ZDHHC2: variants seen among roughly 807,000 people sequenced by gnomAD.
The protein encoded by ZDHHC2 is palmitoyltransferase ZDHHC2.
A neutral mutation model predicts 55.6 loss-of-function variants in ZDHHC2; 51 were observed. The ratio of observed to expected loss-of-function variants is 0.92; its 90% CI spans 0.73 to 1.16. The LOEUF is 1.16. ZDHHC2 is among the 50% of genes most tolerant of loss of function. The pLI is 0.00. For synonymous variants in ZDHHC2, 199 were observed against 152.9 expected (o/e 1.30, Z -2.22); for missense variants, 491 against 442.4 (o/e 1.11, Z -0.99).
intron 6 of ZDHHC2, among the ~76,000 whole-genome samples, chr8:17,201,753 C>T (rs925516138): frequency 2.6e-5 from 4 of 151,560 alleles, no homozygotes; most frequent in Non-Finnish European, 5.9e-5. Flanking sequence ...GCCTCAGCCT[C>T]CCAAAGTGGT....
At chr8:17,188,489 T>C (rs1805843695) in intron 3 of ZDHHC2, among the ~76,000 whole-genome samples, 3 of 152,186 alleles carry the variant, frequency 2.0e-5, no homozygotes, top group African/African-American at 4.8e-5. Flanking sequence ...TTCTTACCCC[T>C]TTCTCATGGA....
At chr8:17,219,482 C>T (rs1283227265) in intron 12 of ZDHHC2, among the ~76,000 whole-genome samples, 2 of 151,936 alleles carry the variant, frequency 1.3e-5, no homozygotes, top group Non-Finnish European at 2.9e-5. Context: ...GCTGGCCAGG[C>T]GTGGTGGCTC....
intron 3 of ZDHHC2, among the ~76,000 whole-genome samples, chr8:17,192,876 G>A (rs1806106461): frequency 6.6e-6 from 1 of 152,226 alleles, no homozygotes; most frequent in Non-Finnish European, 1.5e-5. Flanking sequence ...TGAAGAGACT[G>A]CCCTTTCCCC....
intron 3 of ZDHHC2, among the ~76,000 whole-genome samples, chr8:17,193,929 C>T (rs1806173070): frequency 6.6e-6 from 1 of 152,172 alleles, no homozygotes; most frequent in African/African-American, 2.4e-5. Context: ...AGATCCCCAC[C>T]CCACGACAGG....
intron 1 of ZDHHC2, among the ~76,000 whole-genome samples, chr8:17,161,937 G>T (rs927797457): frequency 6.6e-6 from 1 of 152,182 alleles, no homozygotes; most frequent in African/African-American, 2.4e-5. Flanking sequence ...GACTTTTCTT[G>T]ATATTGTTGA....
chr8:17,197,471 T>A, intron 4 of ZDHHC2, 111 bp from the exon 5 acceptor site: 1 of 939,730 alleles, frequency 1.1e-6, no homozygotes, highest in Non-Finnish European at 1.6e-6. Context: ...TTACCATATT[T>A]AAATTTCATA....
At chr8:17,205,620 A>G in intron 6 of ZDHHC2, 35 bp from the exon 7 acceptor site, 3 of 1,570,340 alleles carry the variant, frequency 1.9e-6, no homozygotes, top group Non-Finnish European at 2.6e-6. Context: ...TTGAAGATGT[A>G]AAACTCACTG....
At position 17,211,231 on chromosome 8, in the gene ZDHHC2, T is replaced by C. The variant is rs538791888; in HGVS notation, c.950+751T>C. Among the ~76,000 whole-genome samples, 218 of 152,256 alleles carry C rather than the reference T, an allele frequency of 1.4e-3. 1 individual carries two copies. Among genetic ancestry groups the C allele is most frequent in the African/African-American group, 4.8e-3 (201 of 41,540 alleles). On this transcript the variant is annotated intron_variant, in intron 10 of 12. Transcript: ENST00000262096. ...TTTATACCTTTGTGACAGATTTGAGTATAACCATTCCTCTGATTTTTCAAT... is the reference window on the plus strand; with the variant it reads ...TTTATACCTTTGTGACAGATTTGAGCATAACCATTCCTCTGATTTTTCAAT...
At chr8:17,193,195 A>T (rs1806122023) in intron 3 of ZDHHC2, among the ~76,000 whole-genome samples, 1 of 152,140 alleles carries the variant, frequency 6.6e-6, no homozygotes, top group South Asian at 2.1e-4. Flanking sequence ...CTCCTTGGGA[A>T]GGCTTTCCAG....
At chr8:17,195,841 T>G (rs916575694) in intron 4 of ZDHHC2, among the ~76,000 whole-genome samples, 1 of 152,208 alleles carries the variant, frequency 6.6e-6, no homozygotes, top group Admixed American at 6.5e-5. Flanking sequence ...AAATCAGAAC[T>G]GACTTTAATC....
chr8:17,175,974 A>T (rs1157169344), intron 1 of ZDHHC2, among the ~76,000 whole-genome samples: 1 of 152,196 alleles, frequency 6.6e-6, no homozygotes, highest in Admixed American at 6.5e-5. Context: ...CTTAGTGAGC[A>T]AAGGGACTAG....
At chr8:17,170,189 A>G (rs918733871) in intron 1 of ZDHHC2, among the ~76,000 whole-genome samples, 3 of 152,228 alleles carry the variant, frequency 2.0e-5, no homozygotes, top group Non-Finnish European at 4.4e-5. Context: ...TGTTTACTTT[A>G]TGAATATATG....
intron 3 of ZDHHC2, among the ~76,000 whole-genome samples, chr8:17,189,010 C>T (rs1453327389): frequency 6.6e-6 from 1 of 151,916 alleles, no homozygotes; most frequent in African/African-American, 2.4e-5. Context: ...ACTCATGTGC[C>T]GCACTGCTCC....
chr8:17,161,656 G>C (rs1182362686), intron 1 of ZDHHC2, among the ~76,000 whole-genome samples: 3 of 152,262 alleles, frequency 2.0e-5, no homozygotes, highest in Non-Finnish European at 4.4e-5. Context: ...TCAGGAGTTT[G>C]AGACCAGCCT....
At chr8:17,211,200 C>G (rs558605675) in intron 10 of ZDHHC2, among the ~76,000 whole-genome samples, 6 of 152,298 alleles carry the variant, frequency 3.9e-5, no homozygotes, top group African/African-American at 1.4e-4. Context: ...GTTTGAAACA[C>G]CAGTTTTTAT....
At chr8:17,196,497 T>G (rs1408331606) in intron 4 of ZDHHC2, among the ~76,000 whole-genome samples, 1 of 151,852 alleles carries the variant, frequency 6.6e-6, no homozygotes, top group Non-Finnish European at 1.5e-5. Context: ...GAAGTTGCAG[T>G]GAGCTGTGGT....
chr8:17,197,604 C>G lies in ZDHHC2; in HGVS notation c.396C>G (p.Cys132Trp). ...TAGCCATCCGATACTGTGACAGATG[C>G]CAACTTATAAAACCAGATCGCTGCC... is the stretch of plus-strand genomic sequence containing the variant. ...MSGAIRYCDR[C>W]QLIKPDRCHH... Residue 132 changes from cysteine to tryptophan, a missense_variant, in exon 5 of 13, where the codon TGC becomes TGG. By Grantham distance (215) the Cys-to-Trp change is radical. Transcript: ENST00000262096. The G allele has an allele frequency of 6.2e-7, 1 of 1,613,708 alleles. No homozygotes were observed. The highest frequency in any genetic ancestry group is 8.5e-7 in the Non-Finnish European group (1 of 1,179,706).
rs1420604268 is a variant in ZDHHC2, at chr8:17,199,583, T to G, written c.476+1170T>G. ...CGTCTTCTTCGTCTTTGTCTTCTTC[T>G]TCTTCTTTCTTCTTCTTTATTCTTT... is the stretch of plus-strand genomic sequence containing the variant. On this transcript the variant is annotated intron_variant, in intron 6 of 12. Transcript: ENST00000262096. 2.7e-4 allele frequency among the ~76,000 whole-genome samples: 18 copies of G among 67,548 alleles called. No homozygotes were observed. In the South Asian group the frequency reaches 2.7e-3, roughly 10 times the overall value. 44.3% of individuals were successfully genotyped at this position (67,548 alleles called of 152,430 possible).
chr8:17,163,505 A>C (rs572282209), intron 1 of ZDHHC2, among the ~76,000 whole-genome samples: 1 of 152,182 alleles, frequency 6.6e-6, no homozygotes, highest in African/African-American at 2.4e-5. Context: ...TTTTTGTTTC[A>C]TTTGTTTTTA....
Sources: allele counts gnomAD v4.1 joint callset (sites outside exome capture counted in the v4.1 genomes callset), GRCh38; gene constraint gnomAD v4.1.1; transcripts MANE v1.5; gene names NCBI Gene and HGNC (gene_info 2026-07-23, HGNC 2026-07-21).